GALNT5: variants seen among roughly 807,000 people sequenced by gnomAD.
GALNT5 encodes polypeptide N-acetylgalactosaminyltransferase 5.
In GALNT5, 72 loss-of-function variants were observed where a neutral mutation model predicts 85.4. That is an observed-to-expected ratio of 0.84 (90% CI 0.70 to 1.03). The LOEUF (loss-of-function observed/expected upper bound fraction) is 1.03, where lower values mean the gene tolerates loss of function less well. Ranked by LOEUF, GALNT5 falls within the 50% of genes least tolerant of loss-of-function variation. The pLI, the probability that GALNT5 is intolerant of heterozygous loss-of-function variation, is 0.00. For missense variants in GALNT5, 1,137 were observed against 1,135.5 expected (o/e 1.00, Z -0.02); for synonymous variants, 404 against 397.0 (o/e 1.02, Z -0.21).
intron 1 of GALNT5, among the ~76,000 whole-genome samples, chr2:157,275,396 A>C (rs1209323398): frequency 6.6e-6 from 1 of 152,194 alleles, no homozygotes; most frequent in East Asian, 1.9e-4. Flanking sequence ...TAGGGATGGC[A>C]CTGAATCTAT....
At chr2:157,288,732 A>C (rs1683028291) in intron 3 of GALNT5, among the ~76,000 whole-genome samples, 1 of 152,244 alleles carries the variant, frequency 6.6e-6, no homozygotes, top group South Asian at 2.1e-4. Flanking sequence ...GTACATTTTG[A>C]AAGCTCATTC....
chr2:157,275,639 T>C (rs1280483499), intron 1 of GALNT5, among the ~76,000 whole-genome samples: 1 of 152,184 alleles, frequency 6.6e-6, no homozygotes, highest in Non-Finnish European at 1.5e-5. Context: ...CTGCTATTCG[T>C]GTATAGGAAT....
intron 3 of GALNT5, among the ~76,000 whole-genome samples, chr2:157,289,750 T>C (rs144412633): frequency 1.3e-3 from 197 of 152,200 alleles, no homozygotes; most frequent in Non-Finnish European, 1.8e-3. Context: ...AAAGTAGATA[T>C]ATAAAACACA....
intron 1 of GALNT5, 95 bp from the exon 2 acceptor site, chr2:157,284,187 T>C: frequency 1.2e-6 from 1 of 860,520 alleles, no homozygotes; most frequent in Non-Finnish European, 2.0e-6. Context: ...ATTAAGTGTG[T>C]GTGTATATGC....
At chr2:157,275,473 T>C (rs1177107369) in intron 1 of GALNT5, among the ~76,000 whole-genome samples, 1 of 152,232 alleles carries the variant, frequency 6.6e-6, no homozygotes, top group African/African-American at 2.4e-5. Flanking sequence ...CATGGAATAT[T>C]CTTCGATTTG....
chr2:157,304,511 C>A (rs895500), intron 7 of GALNT5, among the ~76,000 whole-genome samples: 139,422 of 152,116 alleles, frequency 0.92, 64,020 homozygotes, highest in Middle Eastern at 0.97. Context: ...GTTTCAGATT[C>A]TCAGGGACAA....
At chr2:157,277,610 G>A (rs546249680) in intron 1 of GALNT5, among the ~76,000 whole-genome samples, 2 of 152,114 alleles carry the variant, frequency 1.3e-5, no homozygotes, top group African/African-American at 4.8e-5. Context: ...TTGTTGGTTT[G>A]AAGTCTGTTT....
At chr2:157,308,935 A>G (rs1683512965) in intron 9 of GALNT5, among the ~76,000 whole-genome samples, 1 of 152,136 alleles carries the variant, frequency 6.6e-6, no homozygotes, top group South Asian at 2.1e-4. Context: ...TTTATTTCAA[A>G]TGAGTTATTT....
rs182737957 is a variant in GALNT5 at position 157,278,752 on chromosome 2, G to T, written c.1455-5530G>T. On this transcript the variant is annotated intron_variant, in intron 1 of 9. Coordinates refer to ENST00000259056, the MANE Select transcript of GALNT5 (RefSeq NM_014568.3). The stretch of plus-strand genomic sequence containing the variant: ...AAGGTTTTTAGCTTCCTTTTGATGG[G>T]TTTAAACATGCTCCTTTAGCTCAGA... Among the ~76,000 whole-genome samples the T allele has an allele frequency of 1.5e-3, 229 of 152,192 alleles. 1 individual carries two copies. Among genetic ancestry groups the T allele is most frequent in the African/African-American group, 5.2e-3 (217 of 41,524 alleles).
chr2:157,284,854 T>G (rs990773544), intron 2 of GALNT5, among the ~76,000 whole-genome samples: 8 of 152,240 alleles, frequency 5.3e-5, no homozygotes. Flanking sequence ...AATTAAGATC[T>G]TATGGCTTCT....
intron 7 of GALNT5, among the ~76,000 whole-genome samples, chr2:157,304,756 T>C (rs1257565890): frequency 1.3e-5 from 2 of 152,202 alleles, no homozygotes; most frequent in African/African-American, 4.8e-5. Context: ...CCTGAAGATG[T>C]CCCTTACTTT....
Position 157,317,653 on chromosome 2 carries a change from A to C in GALNT5, c.*6305A>C, listed in dbSNP as rs569337967. ...TTTTTCTTTTGCATCTGATCGACTGAAGTTATTATAAAGAAGGAATCAAGT... is the reference window on the plus strand; with the variant it reads ...TTTTTCTTTTGCATCTGATCGACTGCAGTTATTATAAAGAAGGAATCAAGT... On this transcript the variant is annotated 3_prime_UTR_variant, in exon 10 of 10. Coordinates refer to ENST00000259056, the MANE Select transcript of GALNT5 (RefSeq NM_014568.3). Among the ~76,000 whole-genome samples the C allele has an allele frequency of 3.3e-5, 5 of 152,264 alleles. No homozygotes were observed. Among genetic ancestry groups the C allele is most frequent in the African/African-American group, 7.2e-5 (3 of 41,592 alleles).
intron 6 of GALNT5, among the ~76,000 whole-genome samples, chr2:157,300,392 A>G (rs1020940203): frequency 6.6e-6 from 1 of 152,210 alleles, no homozygotes; most frequent in African/African-American, 2.4e-5. Flanking sequence ...ACAAGAACTC[A>G]TGTTTTACAA....
chr2:157,295,556 C>T (rs1252211626), intron 3 of GALNT5, 107 bp from the exon 4 acceptor site: 2 of 776,004 alleles, frequency 2.6e-6, no homozygotes, highest in Admixed American at 2.7e-5. Context: ...AAGGTCACTG[C>T]ATTTATAGCC....
chr2:157,285,964 C>A (rs1248008002), intron 2 of GALNT5, 51 bp from the exon 3 acceptor site: 1 of 1,439,610 alleles, frequency 6.9e-7, no homozygotes, highest in South Asian at 1.2e-5. Flanking sequence ...CTGATACTAT[C>A]CGGACTTACT....
At chr2:157,291,637 C>CG (rs936350436) in intron 3 of GALNT5, among the ~76,000 whole-genome samples, 1 of 135,842 alleles carries the variant, frequency 7.4e-6, no homozygotes, top group Non-Finnish European at 1.6e-5. Context: ...CCACCCACCC[C>CG]CCCCCAGATT....
At chr2:157,297,553 C>G (rs181964057) in intron 5 of GALNT5, among the ~76,000 whole-genome samples, 1 of 152,240 alleles carries the variant, frequency 6.6e-6, no homozygotes, top group Non-Finnish European at 1.5e-5. Context: ...AGAACCTCTG[C>G]TCTTTCCATA....
chr2:157,284,355 T>G lies in GALNT5; in HGVS notation c.1528T>G (p.Ser510Ala). 6.2e-7 allele frequency: 1 copy of G among 1,613,852 alleles called. No homozygotes were observed. The highest frequency in any genetic ancestry group is 1.1e-5 in the South Asian group (1 of 91,082). Residue 510 changes from serine to alanine, a missense_variant, in exon 2 of 10, where the codon TCC becomes GCC. Physicochemically the swap from Ser to Ala is moderately conservative, Grantham distance 99 (BLOSUM62 1). Coordinates refer to ENST00000259056, the MANE Select transcript of GALNT5 (RefSeq NM_014568.3). ...VIMCFVDEVW[S>A]TLLRSVHSVI... ...CATGTGCTTTGTGGATGAAGTGTGG[T>G]CCACTCTCCTGAGATCTGTTCACAG...
intron 1 of GALNT5, among the ~76,000 whole-genome samples, chr2:157,267,195 C>T (rs1241686928): frequency 1.3e-5 from 2 of 152,052 alleles, no homozygotes; most frequent in African/African-American, 4.8e-5. Context: ...ATGGAGAAAG[C>T]AGTAAAAAGG....
Sources: gnomAD v4.1 joint callset for allele counts (sites outside exome capture counted in the v4.1 genomes callset) on GRCh38, gnomAD v4.1.1 for gene constraint, MANE v1.5 for transcripts, NCBI Gene and HGNC (gene_info 2026-07-23, HGNC 2026-07-21) for gene names.